The following TPST2 variants were observed in gnomAD, a reference collection of about 807,000 sequenced individuals.
TPST2 encodes tyrosylprotein sulfotransferase 2.
A neutral mutation model predicts 27.8 loss-of-function variants in TPST2; 16 were observed. The ratio of observed to expected loss-of-function variants is 0.58; its 90% CI spans 0.39 to 0.88. The LOEUF is 0.88. Among genes scored for constraint, TPST2 ranks in the 40% least tolerant of loss-of-function variants. The pLI is 0.00. For synonymous variants in TPST2, 229 were observed against 231.7 expected, an observed-to-expected ratio of 0.99 and a Z score of 0.10; for missense variants, 464 against 543.1, an observed-to-expected ratio of 0.85 and a Z score of 1.45.
chr22:26,590,027 C>A (rs891821190), intron 1 of TPST2, 26 bp downstream of exon 1: 3 of 151,704 alleles, frequency 2.0e-5, no homozygotes, highest in Admixed American at 1.3e-4. Context: ...CCCGAGGCCA[C>A]CCCCTGCCGC....
At chr22:26,579,344 C>T (rs1013383298) in intron 1 of TPST2, among the ~76,000 whole-genome samples, 6 of 152,342 alleles carry the variant, frequency 3.9e-5, no homozygotes, top group African/African-American at 1.2e-4. Context: ...CCCAGTACCC[C>T]AAACCAAATC....
chr22:26,527,850 C>G (rs1425666388), intron 6 of TPST2, among the ~76,000 whole-genome samples: 1 of 152,232 alleles, frequency 6.6e-6, no homozygotes, highest in East Asian at 1.9e-4. Context: ...AACGCTGATG[C>G]TGTTTTTAGA....
chr22:26,568,605 C>T (rs1927468678), intron 1 of TPST2, among the ~76,000 whole-genome samples: 1 of 152,158 alleles, frequency 6.6e-6, no homozygotes, highest in Non-Finnish European at 1.5e-5. Context: ...TGCTAAAAGA[C>T]ACTCCCACCA....
chr22:26,555,599 C>T (rs1031819873), intron 1 of TPST2, among the ~76,000 whole-genome samples: 20 of 152,356 alleles, frequency 1.3e-4, no homozygotes, highest in East Asian at 1.9e-4. Flanking sequence ...TTTATTAGGA[C>T]GGACACAGTC....
At chr22:26,573,529 G>A (rs1569195232) in intron 1 of TPST2, among the ~76,000 whole-genome samples, 3 of 152,234 alleles carry the variant, frequency 2.0e-5, no homozygotes. Context: ...GGCCCCAGCT[G>A]TAGTTTATGG....
At chr22:26,553,921 T>C (rs978101780) in intron 1 of TPST2, among the ~76,000 whole-genome samples, 3 of 152,174 alleles carry the variant, frequency 2.0e-5, no homozygotes, top group African/African-American at 7.2e-5. Context: ...TCAGTACAGA[T>C]GCAACCACCC....
rs1487488029 is a variant in TPST2 at position 26,525,544 on chromosome 22, G to C, written c.*731C>G. 1 of 152,162 alleles carries C rather than the reference G, an allele frequency of 6.6e-6. No homozygotes were observed. The highest frequency in any genetic ancestry group is 1.5e-5 in the Non-Finnish European group (1 of 68,046). The allele number at this position is 152,162 out of a possible 1,614,324, so 9.4% of individuals were successfully genotyped here. On this transcript the variant is annotated 3_prime_UTR_variant, in exon 7 of 7. Transcript: ENST00000338754. Reference sequence around the variant, plus strand: ...TGCTGATTTTAATGTTTATCCTTTTGCTGTAATAAACCATAACCATAAGGA... The same window carrying C: ...TGCTGATTTTAATGTTTATCCTTTTCCTGTAATAAACCATAACCATAAGGA...
chr22:26,531,347 G>A (rs564046805), intron 5 of TPST2, among the ~76,000 whole-genome samples: 3 of 152,316 alleles, frequency 2.0e-5, no homozygotes, highest in South Asian at 4.1e-4. Context: ...AAATGGTGCC[G>A]GTGAAACTCA....
At chr22:26,578,839 C>T (rs1927969238) in intron 1 of TPST2, among the ~76,000 whole-genome samples, 1 of 151,526 alleles carries the variant, frequency 6.6e-6, no homozygotes, top group South Asian at 2.1e-4. Flanking sequence ...AAGCTGGACC[C>T]TATTTCTTTC....
chr22:26,553,336 A>G (rs1338487236), intron 1 of TPST2, among the ~76,000 whole-genome samples: 1 of 152,014 alleles, frequency 6.6e-6, no homozygotes, highest in Non-Finnish European at 1.5e-5. Flanking sequence ...TTGCCACGTA[A>G]GGACTAGCAG....
At chr22:26,528,290 G>A in intron 5 of TPST2, 28 bp from the exon 6 acceptor site, 1 of 1,556,810 alleles carries the variant, frequency 6.4e-7, no homozygotes, top group Non-Finnish European at 8.7e-7. Context: ...ACAGAAGAAG[G>A]GGTCACGGCC....
intron 1 of TPST2, among the ~76,000 whole-genome samples, chr22:26,576,644 A>T (rs977625163): frequency 2.0e-5 from 3 of 152,184 alleles, no homozygotes; most frequent in Admixed American, 2.0e-4. Context: ...AGGGGAAGGT[A>T]AATAATCATG....
At chr22:26,566,652 T>C (rs547572396) in intron 1 of TPST2, among the ~76,000 whole-genome samples, 11 of 152,126 alleles carry the variant, frequency 7.2e-5, no homozygotes, top group Non-Finnish European at 1.5e-4. Flanking sequence ...CTCAGGAGGC[T>C]GAGGCAGAAG....
chr22:26,565,672 A>G (rs745791930), intron 1 of TPST2: 1 of 152,240 alleles, frequency 6.6e-6, no homozygotes, highest in Non-Finnish European at 1.5e-5. Flanking sequence ...ATAGAAATGC[A>G]GTGTGAGACA....
Position 26,541,155 on chromosome 22 carries a change from T to A in TPST2, c.476A>T (p.Asp159Val). The change falls in exon 3 of 7, where the codon GAC becomes GTC. Residue 159 changes from aspartate (D) to valine (V), a missense_variant. Transcript: ENST00000338754. The surrounding 1 kb of genome is among the most constrained non-coding windows in gnomAD (Gnocchi z 5.9). The part of the protein sequence containing the change: ...GEPARVLCNK[D>V]PFTLKSSVYL... ...GACCGAGGACTTGAGCGTAAATGGGTCCTTGTTGCAGAGCACGCGGGCCGG... is the reference window on the plus strand; with the variant it reads ...GACCGAGGACTTGAGCGTAAATGGGACCTTGTTGCAGAGCACGCGGGCCGG... The A allele has an allele frequency of 6.2e-7, 1 of 1,606,188 alleles. No homozygotes were observed. Among genetic ancestry groups the A allele is most frequent in the Non-Finnish European group, 8.5e-7 (1 of 1,174,880 alleles).
intron 1 of TPST2, among the ~76,000 whole-genome samples, chr22:26,580,614 A>G (rs1331076555): frequency 1.3e-5 from 2 of 152,224 alleles, no homozygotes; most frequent in African/African-American, 4.8e-5. Flanking sequence ...AAGGGAAACT[A>G]TAATCCACTG....
rs1376994818 is a variant in TPST2, at chr22:26,541,414, C to T, written c.217G>A (p.Val73Met). ...GTGCCACTGCGAGGCACGCCACCCA[C>T]GAAGATGAGCGGCATGGCCTTGCCA... The part of the protein sequence containing the change: ...RYGKAMPLIF[V>M]GGVPRSGTTL... Residue 73 changes from valine (V) to methionine (M), a missense_variant, in exon 3 of 7, where the codon GTG becomes ATG. Physicochemically the swap from Val to Met is conservative, Grantham distance 21 (BLOSUM62 1). Coordinates refer to ENST00000338754, the MANE Select transcript of TPST2 (RefSeq NM_003595.5). The surrounding 1 kb of genome is among the most constrained non-coding windows in gnomAD (Gnocchi z 5.9). The T allele has an allele frequency of 7.0e-6, 11 of 1,569,542 alleles. No homozygotes were observed. In the Admixed American group the frequency reaches 7.4e-5, roughly 11 times the overall value.
chr22:26,589,304 C>T (rs965323951), intron 1 of TPST2, among the ~76,000 whole-genome samples: 3 of 152,094 alleles, frequency 2.0e-5, no homozygotes, highest in African/African-American at 2.4e-5. Context: ...AATGCCAGAC[C>T]TCGACCTCTG....
At chr22:26,569,408 A>G (rs1304797385) in intron 1 of TPST2, among the ~76,000 whole-genome samples, 3 of 152,186 alleles carry the variant, frequency 2.0e-5, no homozygotes, top group African/African-American at 7.2e-5. Context: ...ACACAGACAC[A>G]TTCGTCTTTT....
Sources: gnomAD v4.1 joint callset for allele counts (sites outside exome capture counted in the v4.1 genomes callset) on GRCh38, gnomAD v4.1.1 for gene constraint, Gnocchi (gnomAD v3.1) non-coding constraint, MANE v1.5 for transcripts, NCBI Gene and HGNC (gene_info 2026-07-23, HGNC 2026-07-21) for gene names.